The following SIK3 variants were observed in gnomAD, a reference collection of about 807,000 sequenced individuals.
The protein encoded by SIK3 is serine/threonine-protein kinase SIK3.
A neutral mutation model predicts 144.2 loss-of-function variants in SIK3; 28 were observed. The ratio of observed to expected loss-of-function variants is 0.19; its 90% CI spans 0.14 to 0.27. SIK3 has a LOEUF of 0.27. SIK3 is among the 10% of genes least tolerant of loss of function. The pLI is 1.00. For missense variants in SIK3, 1,319 were observed against 1,776.0 expected (o/e 0.74, Z 4.62); for synonymous variants, 686 against 676.3 (o/e 1.01, Z -0.22).
At chr11:117,025,903 GT>G in intron 1 of SIK3, among the ~76,000 whole-genome samples, 1 of 152,016 alleles carries the variant, frequency 6.6e-6, no homozygotes, top group East Asian at 1.9e-4. Context: ...ACAACTTTAT[GT>G]AACACTTGTG....
At chr11:117,058,519 C>CA (rs61453348) in intron 1 of SIK3, among the ~76,000 whole-genome samples, 25,099 of 116,658 alleles carry the variant, frequency 0.22, 2,992 homozygotes, top group African/African-American at 0.35. Flanking sequence ...GACTCCATCT[C>CA]AAAAAAAAAA....
At chr11:116,920,884 T>A (rs1946930411) in intron 4 of SIK3, among the ~76,000 whole-genome samples, 1 of 152,194 alleles carries the variant, frequency 6.6e-6, no homozygotes, top group South Asian at 2.1e-4. Context: ...ACTTCTATCA[T>A]CCTCTGAACT....
intron 4 of SIK3, among the ~76,000 whole-genome samples, chr11:116,910,925 T>C (rs1225880475): frequency 1.3e-5 from 2 of 152,124 alleles, no homozygotes; most frequent in Non-Finnish European, 2.9e-5. Flanking sequence ...CAGTAATAAA[T>C]GCCAAAGAAA....
chr11:116,888,671 T>C (rs1253279267), intron 6 of SIK3, among the ~76,000 whole-genome samples: 1 of 152,220 alleles, frequency 6.6e-6, no homozygotes, highest in Non-Finnish European at 1.5e-5. Flanking sequence ...ATCTACTGAC[T>C]TCCTACCCTG....
intron 1 of SIK3, among the ~76,000 whole-genome samples, chr11:117,017,291 G>C (rs1418553094): frequency 6.6e-6 from 1 of 151,970 alleles, no homozygotes; most frequent in Non-Finnish European, 1.5e-5. Flanking sequence ...AAAAAGAAGT[G>C]AATATCAAAA....
intron 6 of SIK3, among the ~76,000 whole-genome samples, chr11:116,878,439 G>A (rs1469351428): frequency 6.7e-6 from 1 of 149,682 alleles, no homozygotes; most frequent in East Asian, 2.0e-4. Context: ...GGAGTGCAGT[G>A]TGCGATCTCG....
intron 1 of SIK3, among the ~76,000 whole-genome samples, chr11:117,086,879 T>C (rs184929491): frequency 6.8e-6 from 1 of 146,766 alleles, no homozygotes; most frequent in Admixed American, 6.9e-5. Context: ...CCTGTAATCC[T>C]AGCTACTGAG....
chr11:116,878,535 A>T (rs952433527), intron 6 of SIK3, among the ~76,000 whole-genome samples: 4 of 151,974 alleles, frequency 2.6e-5, no homozygotes, highest in African/African-American at 9.7e-5. Flanking sequence ...CTGTGCCACC[A>T]CGCCCAGCTA....
At chr11:116,908,217 T>C (rs1294878948) in intron 4 of SIK3, among the ~76,000 whole-genome samples, 3 of 152,204 alleles carry the variant, frequency 2.0e-5, no homozygotes, top group South Asian at 2.1e-4. Flanking sequence ...GGCTTACTCC[T>C]GTAATCCCAG....
At chr11:116,988,587 C>T (rs1172753777) in intron 1 of SIK3, among the ~76,000 whole-genome samples, 2 of 151,716 alleles carry the variant, frequency 1.3e-5, no homozygotes, top group African/African-American at 4.8e-5. Flanking sequence ...TTGAGACCAG[C>T]CTAGGCAACA....
At chr11:117,096,531 T>G (rs1386829174) in intron 1 of SIK3, among the ~76,000 whole-genome samples, 2 of 152,128 alleles carry the variant, frequency 1.3e-5, no homozygotes, top group African/African-American at 4.8e-5. Context: ...AAGTCTTGGC[T>G]CAATCGACTT....
intron 1 of SIK3, among the ~76,000 whole-genome samples, chr11:117,007,530 AGAG>A (rs991558648): frequency 6.6e-6 from 1 of 152,228 alleles, no homozygotes; most frequent in Non-Finnish European, 1.5e-5. Flanking sequence ...GAAGGAAGGG[AGAG>A]GAGGGGTGAG....
intron 1 of SIK3, among the ~76,000 whole-genome samples, chr11:117,076,585 G>A (rs1359255693): frequency 6.6e-6 from 1 of 151,566 alleles, no homozygotes; most frequent in Non-Finnish European, 1.5e-5. Flanking sequence ...GCAGTGCAGT[G>A]GCGCGATCTT....
rs1941801332 is a variant in SIK3 at position 116,844,642 on chromosome 11, A to ATAATATATATAT, written c.*1000_*1001insATATATATATTA. The ATAATATATATAT allele has an allele frequency of 5.0e-5, 4 of 79,464 alleles. No individual in the cohort carries two copies. Among genetic ancestry groups the ATAATATATATAT allele is most frequent in the South Asian group, 3.7e-4 (1 of 2,684 alleles). The allele number at this position is 79,464 out of a possible 1,614,324, so 4.9% of individuals were successfully genotyped here. On this transcript the variant is annotated 3_prime_UTR_variant, in exon 25 of 25. Transcript: ENST00000445177. ...TAATATATATATAATATATTATATTATATATTATATATATAATATATATAT... is the reference window on the plus strand; with the variant it reads ...TAATATATATATAATATATTATATTATAATATATATATTATATTATATATATAATATATATAT...
chr11:116,947,523 A>ATGTATGTATG (rs1293152854), intron 3 of SIK3, among the ~76,000 whole-genome samples: 1 of 80,220 alleles, frequency 1.2e-5, no homozygotes, highest in Non-Finnish European at 2.4e-5. Flanking sequence ...AGGGAAATAT[A>ATGTATGTATG]TATATATATA....
At chr11:117,050,905 G>A (rs999310541) in intron 1 of SIK3, among the ~76,000 whole-genome samples, 13 of 152,070 alleles carry the variant, frequency 8.5e-5, no homozygotes, top group Non-Finnish European at 1.8e-4. Flanking sequence ...GGTAACCAGA[G>A]TCAGACTGCA....
chr11:117,089,132 G>A (rs111901638), intron 1 of SIK3, among the ~76,000 whole-genome samples: 25,069 of 151,936 alleles, frequency 0.16, 2,197 homozygotes, highest in Admixed American at 0.21. Context: ...CTGGCCGGGC[G>A]CGGTGGCTCA....
intron 15 of SIK3, chr11:116,864,357 C>T (rs1943514511): frequency 1.3e-5 from 2 of 152,448 alleles, no homozygotes; most frequent in Admixed American, 6.5e-5. Flanking sequence ...AAAATGAAGA[C>T]TTCTGATCCT....
At position 116,907,716 on chromosome 11, in the gene SIK3, C is replaced by T. The variant is rs905745741; in HGVS notation, c.617-10399G>A. On this transcript the variant is annotated intron_variant, in intron 4 of 24. Transcript: ENST00000445177. ...CTGTTTTTCATTTTATTATTGACTGCCACCCTTTGCTCTGCTTATGTTAAT... is the reference window on the plus strand; with the variant it reads ...CTGTTTTTCATTTTATTATTGACTGTCACCCTTTGCTCTGCTTATGTTAAT... Among the ~76,000 whole-genome samples, 5 of 152,268 alleles carry T rather than the reference C, an allele frequency of 3.3e-5. No homozygotes were observed. The South Asian group carries it at 6.2e-4, about 19-fold the overall frequency.
Sources: gnomAD v4.1 joint callset for allele counts (sites outside exome capture counted in the v4.1 genomes callset) on GRCh38, gnomAD v4.1.1 for gene constraint, MANE v1.5 for transcripts, NCBI Gene and HGNC (gene_info 2026-07-23, HGNC 2026-07-21) for gene names.